The following ABCB4 variants were observed in gnomAD, a reference collection of about 807,000 sequenced individuals.
ABCB4 encodes the protein ATP binding cassette subfamily B member 4.
Under a neutral mutation model 145.7 loss-of-function variants are expected in ABCB4, and 76 were observed. The ratio of observed to expected loss-of-function variants is 0.52; its 90% CI spans 0.43 to 0.63. The LOEUF is 0.63. ABCB4 is among the 30% of genes least tolerant of loss of function. The pLI is 0.00. For missense variants in ABCB4, 1,234 were observed against 1,553.1 expected, an observed-to-expected ratio of 0.79 and a Z score of 3.45; for synonymous variants, 517 against 566.8, an observed-to-expected ratio of 0.91 and a Z score of 1.25.
At chr7:87,462,153 A>G (rs1336171823) in intron 4 of ABCB4, among the ~76,000 whole-genome samples, 1 of 152,180 alleles carries the variant, frequency 6.6e-6, no homozygotes, top group African/African-American at 2.4e-5. Flanking sequence ...GGCCTCTCGT[A>G]TTGATAACAT....
intron 14 of ABCB4, among the ~76,000 whole-genome samples, chr7:87,433,682 T>G (rs1488064342): frequency 3.3e-5 from 5 of 149,924 alleles, no homozygotes; most frequent in South Asian, 2.1e-4. Context: ...GTTGTTTTTT[T>G]TTTTTTTTTT....
chr7:87,407,692 C>T (rs570248636), intron 25 of ABCB4, among the ~76,000 whole-genome samples: 1 of 152,336 alleles, frequency 6.6e-6, no homozygotes. Context: ...AGGTAGCACC[C>T]TGTTTTGGAA....
the ABCB4 span, among the ~76,000 whole-genome samples, chr7:87,374,807 G>C: frequency 1.3e-5 from 2 of 152,030 alleles, no homozygotes; most frequent in Non-Finnish European, 2.9e-5. Context: ...GAATGATGAA[G>C]TCAGAACTGA....
At position 87,404,647 on chromosome 7, in the gene ABCB4, CA is replaced by C. The variant is rs45445898; in HGVS notation, c.3487-1367del. On this transcript the variant is annotated intron_variant, in intron 26 of 27. Coordinates refer to ENST00000649586, the MANE Select transcript of ABCB4 (RefSeq NM_000443.4). Reference sequence around the variant, plus strand: ...AATTACAATATGTTAAACAAACAAACAAAAAAAACTTCTGAAAACTCAGCAG... The same window carrying C: ...AATTACAATATGTTAAACAAACAAACAAAAAAACTTCTGAAAACTCAGCAG... Among the ~76,000 whole-genome samples, 542 of 151,696 alleles carry C rather than the reference CA, an allele frequency of 3.6e-3. 4 individuals are homozygous for C. Among genetic ancestry groups the C allele is most frequent in the African/African-American group, 0.012 (499 of 41,356 alleles).
chr7:87,466,529 A>G (rs1045722411), intron 3 of ABCB4, among the ~76,000 whole-genome samples: 5 of 152,206 alleles, frequency 3.3e-5, no homozygotes, highest in East Asian at 3.8e-4. Flanking sequence ...CCAACATTCA[A>G]ATTCAGGAAA....
chr7:87,431,611 A>G (rs373231085), intron 14 of ABCB4, 46 bp from the exon 15 acceptor site: 2 of 1,608,926 alleles, frequency 1.2e-6, no homozygotes, highest in Non-Finnish European at 1.7e-6. Context: ...GTATTGGCAC[A>G]CTGTCAATTA....
At chr7:87,423,111 A>G (rs1809565871) in intron 17 of ABCB4, among the ~76,000 whole-genome samples, 1 of 152,214 alleles carries the variant, frequency 6.6e-6, no homozygotes, top group African/African-American at 2.4e-5. Flanking sequence ...ACATCACAAA[A>G]ATAATAAACT....
chr7:87,366,825 C>G, the ABCB4 span, among the ~76,000 whole-genome samples: 2 of 152,152 alleles, frequency 1.3e-5, no homozygotes, highest in African/African-American at 4.8e-5. Context: ...TAGCAATTTA[C>G]TTGGCCAGAG....
chr7:87,406,351 C>T lies in ABCB4; in HGVS notation c.3423G>A (p.Gln1141=), dbSNP rs745437394. ...AYGDNSRVVS[Q]DEIVSAAKAA... ...CTTTGGCTGCACTCACAATTTCATC[C>T]TGTGATACAACCCGGCTGTTGTCTC... Residue 1141 remains glutamine (Q), a synonymous_variant, in exon 26 of 28, where the codon CAG becomes CAA. Transcript: ENST00000649586. 2 of 1,613,858 alleles carry T rather than the reference C, an allele frequency of 1.2e-6. No homozygotes were observed. Among genetic ancestry groups the T allele is most frequent in the African/African-American group, 1.3e-5 (1 of 74,844 alleles).
intron 14 of ABCB4, among the ~76,000 whole-genome samples, chr7:87,434,358 T>C (rs1008456520): frequency 6.6e-5 from 10 of 152,208 alleles, no homozygotes; most frequent in African/African-American, 1.2e-4. Flanking sequence ...TCTGCTGTTA[T>C]ATCTTTCTTC....
chr7:87,474,914 G>T (rs367855915), intron 2 of ABCB4, among the ~76,000 whole-genome samples: 1 of 152,160 alleles, frequency 6.6e-6, no homozygotes, highest in East Asian at 1.9e-4. Flanking sequence ...GGAGGGGTAA[G>T]ACAAGGAGGA....
At chr7:87,388,791 T>C in the ABCB4 span, among the ~76,000 whole-genome samples, 1 of 152,096 alleles carries the variant, frequency 6.6e-6, no homozygotes, top group African/African-American at 2.4e-5. Flanking sequence ...CTAATTAAAC[T>C]AAAGAGCTTC....
chr7:87,402,438 G>T, intron 27 of ABCB4, 136 bp from the exon 28 acceptor site: 1 of 1,079,164 alleles, frequency 9.3e-7, no homozygotes, highest in Non-Finnish European at 1.4e-6. Flanking sequence ...CTTTATGCAT[G>T]TGTATTTTGT....
chr7:87,438,585 C>T (rs1562974442), intron 14 of ABCB4, among the ~76,000 whole-genome samples: 1 of 151,992 alleles, frequency 6.6e-6, no homozygotes, highest in Non-Finnish European at 1.5e-5. Context: ...CCCATCTCTA[C>T]CAAAAATACA....
chr7:87,412,098 A>G, intron 22 of ABCB4, 65 bp from the exon 23 acceptor site: 1 of 1,596,856 alleles, frequency 6.3e-7, no homozygotes, highest in Non-Finnish European at 8.6e-7. Context: ...TGTAGTGGAA[A>G]GAGCACGGCT....
chr7:87,443,506 C>T (rs967412351), intron 11 of ABCB4, 62 bp from the exon 12 acceptor site: 38 of 1,606,908 alleles, frequency 2.4e-5, no homozygotes, highest in Middle Eastern at 1.6e-4. Context: ...GGGAATAATT[C>T]GATTCAGTTT....
chr7:87,443,967 T>G (rs558932591), intron 10 of ABCB4, among the ~76,000 whole-genome samples, 194 bp from the exon 11 acceptor site: 6 of 152,212 alleles, frequency 3.9e-5, no homozygotes, highest in Non-Finnish European at 8.8e-5. Flanking sequence ...CAGAAAATAG[T>G]GTTTTCCTGA....
chr7:87,366,823 T>C, the ABCB4 span, among the ~76,000 whole-genome samples: 3 of 152,168 alleles, frequency 2.0e-5, no homozygotes, highest in Non-Finnish European at 2.9e-5. Flanking sequence ...TCTAGCAATT[T>C]ACTTGGCCAG....
intron 3 of ABCB4, among the ~76,000 whole-genome samples, chr7:87,470,713 A>T (rs1214901087): frequency 6.6e-6 from 1 of 152,168 alleles, no homozygotes; most frequent in South Asian, 2.1e-4. Context: ...AAAAGTCAGG[A>T]AACAACAGGT....
Sources: gnomAD v4.1 joint callset for allele counts (sites outside exome capture counted in the v4.1 genomes callset) on GRCh38, gnomAD v4.1.1 for gene constraint, MANE v1.5 for transcripts, NCBI Gene and HGNC (gene_info 2026-07-23, HGNC 2026-07-21) for gene names.